The following RAP1GAP variants were observed in gnomAD, a reference collection of about 807,000 sequenced individuals.
The protein encoded by RAP1GAP is rap1 GTPase-activating protein 1.
A neutral mutation model predicts 87.2 loss-of-function variants in RAP1GAP; 35 were observed. The ratio of observed to expected loss-of-function variants is 0.40; its 90% CI spans 0.31 to 0.53. RAP1GAP has a LOEUF of 0.53. Among genes scored for constraint, RAP1GAP ranks in the 20% least tolerant of loss-of-function variants. RAP1GAP has a pLI of 0.48. For missense variants in RAP1GAP, 734 were observed against 898.9 expected, an observed-to-expected ratio of 0.82 and a Z score of 2.35; for synonymous variants, 375 against 363.9, an observed-to-expected ratio of 1.03 and a Z score of -0.35.
rs1365431786 is a variant in RAP1GAP at position 21,606,754 on chromosome 1, C to G, written c.1297-557G>C. ...TTACAATCACTCTATCACTGGATCC[C>G]CCTGCAAGATGGGGACTAGCAATCA... On this transcript the variant is annotated intron_variant, in intron 17 of 24. Coordinates refer to ENST00000374765, the MANE Select transcript of RAP1GAP (RefSeq NM_002885.4). 2.0e-5 allele frequency among the ~76,000 whole-genome samples: 3 copies of G among 152,288 alleles called. No individual in the cohort carries two copies. The East Asian group carries it at 5.8e-4, about 29-fold the overall frequency.
At chr1:21,606,355 A>C (rs773722825) in intron 17 of RAP1GAP, among the ~76,000 whole-genome samples, 158 bp from the exon 18 acceptor site, 32 of 152,234 alleles carry the variant, frequency 2.1e-4, no homozygotes, top group South Asian at 8.3e-4. Flanking sequence ...AGGGCAACAG[A>C]GGGAGGTGGG....
At chr1:21,642,139 C>CAGGGCCAGTGCCT (rs2095580690) in intron 2 of RAP1GAP, among the ~76,000 whole-genome samples, 1 of 152,234 alleles carries the variant, frequency 6.6e-6, no homozygotes, top group South Asian at 2.1e-4. Context: ...CCAGTGTTCT[C>CAGGGCCAGTGCCT]AGGGCCAGTG....
chr1:21,627,824 A>C (rs894163421), intron 2 of RAP1GAP, among the ~76,000 whole-genome samples: 1 of 152,092 alleles, frequency 6.6e-6, no homozygotes. Flanking sequence ...ACCTCCCAGG[A>C]GTGATGGCAT....
In RAP1GAP at chr1:21,612,112, GCA is replaced by G; in HGVS notation, c.529-5_529-4del. ...AAGGTGACGATGAGCCGGGAAGCCT[GCA>G]GGAGAGGACGCCGGGTGAAGAGGCT... is the stretch of plus-strand genomic sequence containing the variant. On this transcript the variant is annotated splice_polypyrimidine_tract_variant and splice_region_variant and intron_variant, in intron 10 of 24. Transcript: ENST00000374765. 6.5e-7 allele frequency: 1 copy of G among 1,549,224 alleles called. No individual in the cohort carries two copies. Among genetic ancestry groups the G allele is most frequent in the Non-Finnish European group, 8.7e-7 (1 of 1,144,462 alleles).
At chr1:21,661,893 G>A (rs2097166909) in intron 1 of RAP1GAP, among the ~76,000 whole-genome samples, 1 of 152,204 alleles carries the variant, frequency 6.6e-6, no homozygotes, top group African/African-American at 2.4e-5. Flanking sequence ...CTGATTTTCT[G>A]GGGCAGCATA....
At chr1:21,624,914 A>C (rs1558749452) in intron 3 of RAP1GAP, among the ~76,000 whole-genome samples, 1 of 152,324 alleles carries the variant, frequency 6.6e-6, no homozygotes, top group East Asian at 1.9e-4. Context: ...CCGAGGGCAT[A>C]CAGCCCTTGG....
rs373927364 is a variant in RAP1GAP, at chr1:21,599,575, G to A, written c.1695C>T (p.Phe565=). 5 of 1,608,652 alleles carry A rather than the reference G, an allele frequency of 3.1e-6. No homozygotes were observed. In the African/African-American group the frequency reaches 5.3e-5, roughly 17 times the overall value. Residue 565 remains phenylalanine, a synonymous_variant, in exon 21 of 25, where the codon TTC becomes TTT. Coordinates refer to ENST00000374765, the MANE Select transcript of RAP1GAP (RefSeq NM_002885.4). ...AAQRAEALKD[F]SRSSSSASSF... ...TGCTGGCACTGGACGAGGAGCGGGA[G>A]AAGTCCTTGAGCGCCTCTGCTCTCT...
intron 22 of RAP1GAP, 59 bp downstream of exon 22, chr1:21,598,341 T>A (rs1646463879): frequency 6.8e-7 from 1 of 1,461,066 alleles, no homozygotes; most frequent in South Asian, 1.2e-5. Context: ...TGCCCAGCCC[T>A]GTCCCCCTCC....
At chr1:21,627,263 T>C (rs1047547649) in intron 2 of RAP1GAP, among the ~76,000 whole-genome samples, 1 of 152,076 alleles carries the variant, frequency 6.6e-6, no homozygotes, top group Non-Finnish European at 1.5e-5. Flanking sequence ...GAGAGGCTGG[T>C]CCCTCGAGGG....
intron 2 of RAP1GAP, among the ~76,000 whole-genome samples, 158 bp from the exon 3 acceptor site, chr1:21,626,555 T>C (rs116223107): frequency 0.016 from 2,401 of 152,212 alleles, 27 homozygotes; most frequent in Non-Finnish European, 0.021. Flanking sequence ...AGGGGCTTCA[T>C]TAGCAGGGCT....
Position 21,611,759 on chromosome 1 carries a change from G to C in RAP1GAP, c.670C>G (p.Leu224Val). The C allele has an allele frequency of 6.2e-7, 1 of 1,614,112 alleles. No homozygotes were observed. Among genetic ancestry groups the C allele is most frequent in the Non-Finnish European group, 8.5e-7 (1 of 1,179,926 alleles). ...TTGACCTTCTGGCCAAGAAATTCAA[G>C]GAACTCCACGAAAGCGGGACTTTCC... ...NEESPAFVEFLEFLGQKVKLQ... is the reference protein window; with the variant it reads ...NEESPAFVEFVEFLGQKVKLQ... The change falls in exon 12 of 25, where the codon CTT becomes GTT. Residue 224 changes from leucine (L) to valine (V), a missense_variant. By Grantham distance (32) the Leu-to-Val change is conservative. Transcript: ENST00000374765.
At chr1:21,620,628 C>T (rs1047156740) in intron 3 of RAP1GAP, among the ~76,000 whole-genome samples, 4 of 152,290 alleles carry the variant, frequency 2.6e-5, no homozygotes, top group African/African-American at 7.2e-5. Context: ...AGAGTTAATC[C>T]GGTGTCTGCC....
intron 1 of RAP1GAP, among the ~76,000 whole-genome samples, chr1:21,665,948 T>G (rs1389757715): frequency 6.6e-6 from 1 of 152,208 alleles, no homozygotes; most frequent in Admixed American, 6.5e-5. Context: ...CACCTCTGAC[T>G]TTCCTCATCC....
chr1:21,654,555 G>C (rs1302404880), intron 1 of RAP1GAP, among the ~76,000 whole-genome samples: 1 of 152,214 alleles, frequency 6.6e-6, no homozygotes, highest in Non-Finnish European at 1.5e-5. Context: ...TTTGCTGACT[G>C]AGCACGGTGG....
At chr1:21,630,254 T>C (rs779571180) in intron 2 of RAP1GAP, among the ~76,000 whole-genome samples, 1 of 148,568 alleles carries the variant, frequency 6.7e-6, no homozygotes, top group Non-Finnish European at 1.5e-5. Flanking sequence ...ATAAATACTT[T>C]TTTCTTTTTC....
At chr1:21,650,346 G>A (rs1172600765) in intron 1 of RAP1GAP, among the ~76,000 whole-genome samples, 7 of 151,942 alleles carry the variant, frequency 4.6e-5, no homozygotes, top group South Asian at 2.1e-4. Flanking sequence ...CCCAACACAC[G>A]TACCCTGCTC....
At chr1:21,608,114 C>G (rs1309698211) in intron 17 of RAP1GAP, 99 bp downstream of exon 17, 1 of 1,514,082 alleles carries the variant, frequency 6.6e-7, no homozygotes, top group Admixed American at 1.9e-5. Flanking sequence ...CTGCCAGACT[C>G]CACCCCCACG....
intron 1 of RAP1GAP, among the ~76,000 whole-genome samples, chr1:21,661,358 C>T (rs964250433): frequency 2.6e-5 from 4 of 152,164 alleles, no homozygotes; most frequent in Admixed American, 2.6e-4. Context: ...ACCCTCAACC[C>T]TGATCAGCTC....
intron 1 of RAP1GAP, chr1:21,651,888 C>T: frequency 9.8e-7 from 1 of 1,016,080 alleles, no homozygotes; most frequent in Non-Finnish European, 1.2e-6. Flanking sequence ...CCCGGGTCAC[C>T]TTGGCAACGC....
Sources: gnomAD v4.1 joint callset for allele counts (sites outside exome capture counted in the v4.1 genomes callset) on GRCh38, gnomAD v4.1.1 for gene constraint, MANE v1.5 for transcripts, NCBI Gene and HGNC (gene_info 2026-07-23, HGNC 2026-07-21) for gene names.